DENND5B: variants seen among roughly 807,000 people sequenced by gnomAD.
DENND5B encodes the protein DENN domain containing 5B.
DENND5B carries 34 observed loss-of-function variants against 140.6 expected under a neutral mutation model. The observed-to-expected ratio is 0.24, with a 90% CI of 0.18 to 0.32. DENND5B has a LOEUF of 0.32. Ranked by LOEUF, DENND5B falls within the 10% of genes least tolerant of loss-of-function variation. DENND5B has a pLI of 1.00. For synonymous variants in DENND5B, 551 were observed against 562.1 expected (o/e 0.98, Z 0.28); for missense variants, 1,142 against 1,560.2 (o/e 0.73, Z 4.52).
intron 1 of DENND5B, among the ~76,000 whole-genome samples, chr12:31,547,628 C>T (rs904802058): frequency 7.9e-5 from 12 of 152,058 alleles, no homozygotes; most frequent in African/African-American, 2.9e-4. Context: ...GAAATTCTGA[C>T]CTCGTGATCC....
chr12:31,521,037 C>T (rs1423834781), intron 1 of DENND5B, among the ~76,000 whole-genome samples: 1 of 151,776 alleles, frequency 6.6e-6, no homozygotes, highest in African/African-American at 2.4e-5. Flanking sequence ...GTTTCAAATA[C>T]TCAAGTCACA....
chr12:31,397,954 C>T (rs2137357686), intron 17 of DENND5B, among the ~76,000 whole-genome samples: 1 of 152,176 alleles, frequency 6.6e-6, no homozygotes, highest in Non-Finnish European at 1.5e-5. Flanking sequence ...AAAATATTTA[C>T]TCATATTTCC....
chr12:31,472,700 A>G (rs2138436326), intron 3 of DENND5B, among the ~76,000 whole-genome samples: 1 of 152,292 alleles, frequency 6.6e-6, no homozygotes, highest in Non-Finnish European at 1.5e-5. Flanking sequence ...TATTTGCCCC[A>G]GCACAGAGAA....
chr12:31,527,503 G>C (rs1303193285), intron 1 of DENND5B, among the ~76,000 whole-genome samples: 1 of 152,184 alleles, frequency 6.6e-6, no homozygotes, highest in Non-Finnish European at 1.5e-5. Context: ...CTCCAGGCTG[G>C]GCGTGGTGGC....
chr12:31,551,860 CTGTT>C (rs1178077015), intron 1 of DENND5B, among the ~76,000 whole-genome samples: 2 of 152,184 alleles, frequency 1.3e-5, no homozygotes, highest in Non-Finnish European at 2.9e-5. Flanking sequence ...ATTTGGCTTT[CTGTT>C]TGTCTGTTAT....
At chr12:31,493,556 T>C (rs911433844) in intron 2 of DENND5B, among the ~76,000 whole-genome samples, 1 of 151,504 alleles carries the variant, frequency 6.6e-6, no homozygotes, top group Admixed American at 6.6e-5. Context: ...GAGCCAGGTG[T>C]GGTGGGATGT....
rs145771794 is a variant in DENND5B, at chr12:31,462,917, C to T, written c.905-2536G>A. ...GAGGTTGCAGTGAGCCGGGATTGCA[C>T]TACTGCACTCCAGCCTGGGCAACAG... On this transcript the variant is annotated intron_variant, in intron 3 of 20. Transcript: ENST00000389082. Among the ~76,000 whole-genome samples, 481 of 152,082 alleles carry T rather than the reference C, an allele frequency of 3.2e-3. 17 individuals are homozygous for T. In the East Asian group the frequency reaches 0.079, roughly 25 times the overall value.
intron 2 of DENND5B, among the ~76,000 whole-genome samples, chr12:31,484,222 T>C (rs1325862877): frequency 6.6e-6 from 1 of 152,100 alleles, no homozygotes; most frequent in African/African-American, 2.4e-5. Context: ...ACATCGACAA[T>C]GCATTTGGCC....
intron 3 of DENND5B, among the ~76,000 whole-genome samples, chr12:31,464,804 G>A (rs1210316860): frequency 6.6e-6 from 1 of 151,924 alleles, no homozygotes; most frequent in Non-Finnish European, 1.5e-5. Context: ...CAAGTGATCT[G>A]CCTGCCTGCC....
chr12:31,519,078 T>C (rs1460981902), intron 1 of DENND5B, among the ~76,000 whole-genome samples: 1 of 152,210 alleles, frequency 6.6e-6, no homozygotes, highest in African/African-American at 2.4e-5. Context: ...CCTAGCTTCT[T>C]TTCTGTGCTT....
Position 31,447,650 on chromosome 12 carries a change from A to T in DENND5B, c.1749T>A (p.Asp583Glu). 6.2e-7 allele frequency: 1 copy of T among 1,613,912 alleles called. No homozygotes were observed. The highest frequency in any genetic ancestry group is 8.5e-7 in the Non-Finnish European group (1 of 1,179,854). The change falls in exon 6 of 21, where the codon GAT (aspartate) becomes GAA (glutamate). Residue 583 changes from aspartate to glutamate, a missense_variant. Coordinates refer to ENST00000389082, the MANE Select transcript of DENND5B (RefSeq NM_144973.4). ...GAGTGTCAAAGACCCGAAGCAAAGGATCTTTCTCTTCCCACTGAGACATAA... is the reference window on the plus strand; with the variant it reads ...GAGTGTCAAAGACCCGAAGCAAAGGTTCTTTCTCTTCCCACTGAGACATAA... ...NKIMSQWEEK[D>E]PLLRVFDTRI... is the part of the protein sequence containing the mutation.
At chr12:31,566,963 T>G (rs963585752) in intron 1 of DENND5B, among the ~76,000 whole-genome samples, 1 of 151,994 alleles carries the variant, frequency 6.6e-6, no homozygotes, top group Non-Finnish European at 1.5e-5. Flanking sequence ...GAGGCGGAGG[T>G]TAGAACCCAG....
At chr12:31,423,982 G>C (rs1452070255) in intron 10 of DENND5B, among the ~76,000 whole-genome samples, 1 of 152,112 alleles carries the variant, frequency 6.6e-6, no homozygotes, top group Admixed American at 6.5e-5. Context: ...TGTCTACATG[G>C]GCTACATTAG....
intron 1 of DENND5B, among the ~76,000 whole-genome samples, chr12:31,575,018 A>G (rs910001693): frequency 2.6e-5 from 4 of 152,228 alleles, no homozygotes; most frequent in African/African-American, 9.6e-5. Flanking sequence ...GCACAAAACA[A>G]GTTAAGTCCA....
At chr12:31,512,145 G>A (rs1180175422) in intron 1 of DENND5B, among the ~76,000 whole-genome samples, 1 of 151,790 alleles carries the variant, frequency 6.6e-6, no homozygotes, top group Non-Finnish European at 1.5e-5. Flanking sequence ...TCGAACTCCT[G>A]ATCTTGTGAT....
intron 1 of DENND5B, among the ~76,000 whole-genome samples, chr12:31,569,898 A>G (rs1378105853): frequency 1.3e-5 from 2 of 151,860 alleles, no homozygotes. Flanking sequence ...CTCATTCTAA[A>G]AAATTACCAA....
At chr12:31,511,921 CTT>C (rs761566462) in intron 1 of DENND5B, among the ~76,000 whole-genome samples, 6 of 98,930 alleles carry the variant, frequency 6.1e-5, no homozygotes, top group South Asian at 3.6e-4. Context: ...CTCCACTGCC[CTT>C]TTTTTTTTTT....
chr12:31,387,534 A>C lies in DENND5B; in HGVS notation c.*69T>G. The C allele has an allele frequency of 6.5e-7, 1 of 1,531,676 alleles. No individual in the cohort carries two copies. The highest frequency in any genetic ancestry group is 1.3e-5 in the South Asian group (1 of 79,776). 94.9% of individuals were successfully genotyped at this position (1,531,676 alleles called of 1,614,324 possible). On this transcript the variant is annotated 3_prime_UTR_variant, in exon 21 of 21. Coordinates refer to ENST00000389082, the MANE Select transcript of DENND5B (RefSeq NM_144973.4). Reference sequence around the variant, plus strand: ...CCCTGCAGTGACTCACTACTGTCAGACAAGTCCAAATCGGTCCCCTAGTTG... The same window carrying C: ...CCCTGCAGTGACTCACTACTGTCAGCCAAGTCCAAATCGGTCCCCTAGTTG...
chr12:31,502,656 G>C (rs1193261933), intron 1 of DENND5B, among the ~76,000 whole-genome samples: 1 of 152,142 alleles, frequency 6.6e-6, no homozygotes, highest in Non-Finnish European at 1.5e-5. Flanking sequence ...CAATGGCCAA[G>C]AGAGCTTGCT....
Sources: gnomAD v4.1 joint callset for allele counts (sites outside exome capture counted in the v4.1 genomes callset) on GRCh38, gnomAD v4.1.1 for gene constraint, MANE v1.5 for transcripts, NCBI Gene and HGNC (gene_info 2026-07-23, HGNC 2026-07-21) for gene names.